The following ALDH7A1 variants were observed in gnomAD, a reference collection of about 807,000 sequenced individuals.
ALDH7A1 encodes alpha-aminoadipic semialdehyde dehydrogenase.
Under a neutral mutation model 79.9 loss-of-function variants are expected in ALDH7A1, and 63 were observed. The ratio of observed to expected loss-of-function variants is 0.79; its 90% CI spans 0.64 to 0.97. ALDH7A1 has a LOEUF of 0.97. ALDH7A1 is among the 50% of genes least tolerant of loss of function. ALDH7A1 has a pLI of 0.00. For missense variants in ALDH7A1, 627 were observed against 665.2 expected (o/e 0.94, Z 0.63); for synonymous variants, 240 against 231.2 (o/e 1.04, Z -0.34).
At chr5:126,553,667 C>T (rs7719949) in intron 13 of ALDH7A1, among the ~76,000 whole-genome samples, 5,979 of 151,640 alleles carry the variant, frequency 0.039, 374 homozygotes, top group African/African-American at 0.14. Flanking sequence ...GCTGAGATCA[C>T]GCCACTGCAC....
intron 9 of ALDH7A1, among the ~76,000 whole-genome samples, chr5:126,562,652 A>G (rs1179303836): frequency 6.6e-6 from 1 of 152,126 alleles, no homozygotes; most frequent in East Asian, 1.9e-4. Context: ...GATCAAGACC[A>G]TCCTGGCCAA....
intron 9 of ALDH7A1, among the ~76,000 whole-genome samples, chr5:126,566,182 T>G (rs1390298146): frequency 6.6e-6 from 1 of 152,204 alleles, no homozygotes; most frequent in African/African-American, 2.4e-5. Context: ...ATTGAAACCT[T>G]AACAATATTA....
At chr5:126,579,007 C>A (rs1284557205) in intron 5 of ALDH7A1, among the ~76,000 whole-genome samples, 3 of 146,144 alleles carry the variant, frequency 2.1e-5, no homozygotes, top group Non-Finnish European at 4.4e-5. Context: ...CCTGCCTCTT[C>A]CTGGCAGGGC....
At chr5:126,592,539 AG>A (rs1751585896) in intron 3 of ALDH7A1, 124 bp downstream of exon 3, 8 of 934,970 alleles carry the variant, frequency 8.6e-6, no homozygotes, top group Non-Finnish European at 1.4e-5. Context: ...ACAGTATCAC[AG>A]CCCCCAAGGA....
intron 11 of ALDH7A1, among the ~76,000 whole-genome samples, chr5:126,556,653 G>A (rs1385680626): frequency 6.6e-6 from 1 of 152,186 alleles, no homozygotes; most frequent in Admixed American, 6.5e-5. Context: ...CTAAGTCCCA[G>A]TGAACACAGA....
chr5:126,595,132 T>C lies in ALDH7A1; in HGVS notation c.67A>G (p.Ser23Gly), dbSNP rs796052266. Residue 23 changes from serine to glycine, a missense_variant, in exon 1 of 18, where the codon AGC (serine) becomes GGC (glycine). Physicochemically the swap from Ser to Gly is moderately conservative, Grantham distance 56 (BLOSUM62 0). Coordinates refer to ENST00000409134, the MANE Select transcript of ALDH7A1 (RefSeq NM_001182.5). ...AKTSKLSGPW[S>G]RPAAFMSTLL... ...GTGGACATGAAGGCGGCAGGCCTGC[T>C]CCAAGGTCCAGAGAGCTTGCTGGTC... 63 of 1,571,026 alleles carry C rather than the reference T, an allele frequency of 4.0e-5. No individual in the cohort carries two copies. Among genetic ancestry groups the C allele is most frequent in the Non-Finnish European group, 5.4e-5 (62 of 1,157,336 alleles).
intron 4 of ALDH7A1, 39 bp downstream of exon 4, chr5:126,583,893 C>T: frequency 6.7e-7 from 1 of 1,490,102 alleles, no homozygotes; most frequent in South Asian, 1.1e-5. Flanking sequence ...CCTTATTGTC[C>T]ACTCAAAGAA....
intron 6 of ALDH7A1, among the ~76,000 whole-genome samples, chr5:126,576,867 C>G (rs1378212900): frequency 6.6e-6 from 1 of 152,172 alleles, no homozygotes; most frequent in Non-Finnish European, 1.5e-5. Flanking sequence ...GCGGAGGTTG[C>G]AGTGAGCTGA....
At position 126,541,920 on chromosome 5, in the gene ALDH7A1, G is replaced by A. The variant is rs1749607957; in HGVS notation, c.*3045C>T. 1 of 149,726 alleles carries A rather than the reference G, an allele frequency of 6.7e-6. No individual in the cohort carries two copies. The highest frequency in any genetic ancestry group is 2.5e-5 in the African/African-American group (1 of 40,616). The allele number at this position is 149,726 out of a possible 1,614,324, so 9.3% of individuals were successfully genotyped here. On this transcript the variant is annotated 3_prime_UTR_variant, in exon 18 of 18. Transcript: ENST00000409134. ...GTAACATGTACCCCAAATCCAAATG[G>A]ATTAAAGACAAAAATGTCAATAAAA...
At chr5:126,585,725 C>G (rs1322975007) in intron 3 of ALDH7A1, among the ~76,000 whole-genome samples, 2 of 152,038 alleles carry the variant, frequency 1.3e-5, no homozygotes, top group Admixed American at 6.6e-5. Context: ...CCACGCCCGG[C>G]TAATTTTCTG....
At chr5:126,565,806 A>G (rs1310100090) in intron 9 of ALDH7A1, among the ~76,000 whole-genome samples, 8 of 152,240 alleles carry the variant, frequency 5.3e-5, no homozygotes. Context: ...TCATGTGTAT[A>G]GATAGCTACT....
At chr5:126,560,778 T>C (rs1750376271) in intron 10 of ALDH7A1, among the ~76,000 whole-genome samples, 1 of 152,186 alleles carries the variant, frequency 6.6e-6, no homozygotes, top group Non-Finnish European at 1.5e-5. Flanking sequence ...TGGCCAGTTT[T>C]CAGCAAACAG....
rs1267005048 is a variant in ALDH7A1, at chr5:126,570,863, G to C, written c.696-4C>G. On this transcript the variant is annotated splice_polypyrimidine_tract_variant and splice_region_variant and intron_variant, in intron 7 of 17. Coordinates refer to ENST00000409134, the MANE Select transcript of ALDH7A1 (RefSeq NM_001182.5). ...CTCCAGAACCTTGGCTATTATCCTAGAAAGGAAAAAGCAATTACTGAGGCA... is the reference window on the plus strand; with the variant it reads ...CTCCAGAACCTTGGCTATTATCCTACAAAGGAAAAAGCAATTACTGAGGCA... The C allele has an allele frequency of 6.2e-7, 1 of 1,613,498 alleles. No individual in the cohort carries two copies. Among genetic ancestry groups the C allele is most frequent in the East Asian group, 2.2e-5 (1 of 44,864 alleles).
At chr5:126,582,211 A>G (rs1055337525) in intron 5 of ALDH7A1, 1 of 398,408 alleles carries the variant, frequency 2.5e-6, no homozygotes. Flanking sequence ...ATGGGGTACT[A>G]TGGCTTAGTC....
intron 3 of ALDH7A1, chr5:126,587,357 G>C (rs1409551107): frequency 6.6e-6 from 1 of 151,858 alleles, no homozygotes; most frequent in Non-Finnish European, 1.5e-5. Context: ...TCTAGAATTG[G>C]CCAGTCACAG....
chr5:126,594,914 T>G (rs1751688738), intron 1 of ALDH7A1, 93 bp downstream of exon 1: 2 of 1,498,440 alleles, frequency 1.3e-6, no homozygotes, highest in Non-Finnish European at 1.8e-6. Context: ...TACTACCGCA[T>G]CCAGCGCCAG....
chr5:126,575,408 A>C lies in ALDH7A1; in HGVS notation c.695+12T>G, dbSNP rs1029873544. On this transcript the variant is annotated intron_variant, in intron 7 of 17. Transcript: ENST00000409134. ...TTCCATACCCAGGAAAAAGAAAGCC[A>C]CATGTACTTACTTTGTGACAGCCAC... 1 of 1,613,008 alleles carries C rather than the reference A, an allele frequency of 6.2e-7. No individual in the cohort carries two copies. The highest frequency in any genetic ancestry group is 1.7e-4 in the Middle Eastern group (1 of 6,032).
intron 6 of ALDH7A1, among the ~76,000 whole-genome samples, chr5:126,576,262 C>CAAAAAAAAAAAAAAAAAAAAAAAAAAA (rs35284915): frequency 1.1e-5 from 1 of 89,246 alleles, no homozygotes. Context: ...GACTCTGTCA[C>CAAAAAAAAAAAAAAAAAAAAAAAAAAA]AAAAAAAAAA....
chr5:126,558,166 C>CA (rs35559498), intron 11 of ALDH7A1, among the ~76,000 whole-genome samples: 1,097 of 75,256 alleles, frequency 0.015, 12 homozygotes, highest in African/African-American at 0.018. Context: ...GACTCCAACT[C>CA]AAAAAAAAAA....
Sources: gnomAD v4.1 joint callset for allele counts (sites outside exome capture counted in the v4.1 genomes callset) on GRCh38, gnomAD v4.1.1 for gene constraint, MANE v1.5 for transcripts, NCBI Gene and HGNC (gene_info 2026-07-23, HGNC 2026-07-21) for gene names.